The following ARFIP1 variants were observed in gnomAD, a reference collection of about 807,000 sequenced individuals.
ARFIP1 encodes arfaptin-1.
In ARFIP1, 24 loss-of-function variants were observed where a neutral mutation model predicts 42.5. That is an observed-to-expected ratio of 0.57 (90% CI 0.41 to 0.80). ARFIP1 has a LOEUF of 0.80. Ranked by LOEUF, ARFIP1 falls within the 30% of genes least tolerant of loss-of-function variation. The pLI is 0.00. For missense variants in ARFIP1, 354 were observed against 434.0 expected (o/e 0.82, Z 1.64); for synonymous variants, 141 against 153.7 (o/e 0.92, Z 0.61).
intron 1 of ARFIP1, among the ~76,000 whole-genome samples, chr4:152,814,367 T>G (rs1206493030): frequency 6.6e-6 from 1 of 152,148 alleles, no homozygotes; most frequent in African/African-American, 2.4e-5. Flanking sequence ...GTGCTGGGAT[T>G]ATAGATATGA....
At chr4:152,824,311 C>CAAA (rs111552594) in intron 1 of ARFIP1, among the ~76,000 whole-genome samples, 1 of 118,810 alleles carries the variant, frequency 8.4e-6, no homozygotes, top group Non-Finnish European at 1.8e-5. Context: ...AGACTCTTAT[C>CAAA]AAAAAAAAAA....
intron 1 of ARFIP1, among the ~76,000 whole-genome samples, chr4:152,816,164 T>A (rs888856471): frequency 1.6e-4 from 25 of 152,246 alleles, no homozygotes; most frequent in Non-Finnish European, 1.2e-4. Context: ...ATGATTATTG[T>A]TTAATTCCAA....
chr4:152,905,489 G>C (rs1478966750), intron 8 of ARFIP1, among the ~76,000 whole-genome samples: 1 of 117,326 alleles, frequency 8.5e-6, no homozygotes, highest in African/African-American at 3.2e-5. Context: ...TGAAATGTCT[G>C]TTCAAATTTT....
At position 152,888,047 on chromosome 4, in the gene ARFIP1, A is replaced by G. The variant is rs1268702690; in HGVS notation, c.792-86A>G. On this transcript the variant is annotated intron_variant, in intron 7 of 8. Coordinates refer to ENST00000353617, the MANE Select transcript of ARFIP1 (RefSeq NM_001025595.3). ...TTTATATATTTTATTGTATAGTATG[A>G]GACTGAATATTACGTATTTCCAACC... 8.9e-6 allele frequency: 9 copies of G among 1,011,182 alleles called. No individual in the cohort carries two copies. The Admixed American group carries it at 2.3e-4, about 26-fold the overall frequency. 62.6% of individuals were successfully genotyped at this position (1,011,182 alleles called of 1,614,324 possible). A position where few individuals can be genotyped will look rare whatever the true frequency, so the allele number is the denominator to read the frequency against.
intron 5 of ARFIP1, among the ~76,000 whole-genome samples, chr4:152,880,644 T>C (rs1023302014): frequency 1.3e-5 from 2 of 152,254 alleles, no homozygotes; most frequent in Non-Finnish European, 2.9e-5. Flanking sequence ...TAACAGTCTA[T>C]ATTAGTCTTA....
intron 5 of ARFIP1, among the ~76,000 whole-genome samples, chr4:152,879,244 TA>T (rs1268912891): frequency 6.6e-6 from 1 of 151,880 alleles, no homozygotes; most frequent in African/African-American, 2.4e-5. Flanking sequence ...TGTTGGGAAG[TA>T]GAAAAATATA....
chr4:152,904,054 GTTA>G (rs1443500641), intron 8 of ARFIP1, among the ~76,000 whole-genome samples: 1 of 151,022 alleles, frequency 6.6e-6, no homozygotes, highest in Non-Finnish European at 1.5e-5. Flanking sequence ...TTTTTTTTAA[GTTA>G]TTTTTATTTT....
At chr4:152,895,218 G>A (rs556678896) in intron 8 of ARFIP1, among the ~76,000 whole-genome samples, 1 of 152,220 alleles carries the variant, frequency 6.6e-6, no homozygotes, top group Non-Finnish European at 1.5e-5. Flanking sequence ...ATGGTAGGAA[G>A]TTGGATTACA....
Position 152,881,165 on chromosome 4 carries a change from T to G in ARFIP1, c.614T>G (p.Leu205Trp), listed in dbSNP as rs1257979500. 1.2e-6 allele frequency: 2 copies of G among 1,611,002 alleles called. No homozygotes were observed. Among genetic ancestry groups the G allele is most frequent in the Admixed American group, 1.7e-5 (1 of 59,852 alleles). ...QLGDAFADLS[L>W]KSLELHEEFG... ...GGAGATGCATTTGCTGACCTGAGTT[T>G]GAAGTCACTAGAACTTCATGTAAGA... The change falls in exon 6 of 9, where the codon TTG (leucine) becomes TGG (tryptophan). Residue 205 changes from leucine to tryptophan, a missense_variant. Leu to Trp is a moderately conservative substitution (Grantham distance 61, BLOSUM62 -2). Transcript: ENST00000353617.
intron 5 of ARFIP1, among the ~76,000 whole-genome samples, chr4:152,879,667 T>C (rs916239781): frequency 6.6e-6 from 1 of 151,992 alleles, no homozygotes; most frequent in Non-Finnish European, 1.5e-5. Context: ...CTGACCAACA[T>C]GGAGAAACCC....
At chr4:152,849,557 G>A (rs1231489566) in intron 2 of ARFIP1, among the ~76,000 whole-genome samples, 2 of 152,112 alleles carry the variant, frequency 1.3e-5, no homozygotes, top group African/African-American at 4.8e-5. Flanking sequence ...AAGTGGGTGA[G>A]GCCAAGAGGG....
rs71598214 is a variant in ARFIP1, at chr4:152,782,223, G to GGTGTGTGTGT, written c.-10+2024_-10+2033dup. Among the ~76,000 whole-genome samples, 299 of 148,662 alleles carry GGTGTGTGTGT rather than the reference G, an allele frequency of 2.0e-3. 2 individuals carry two copies. Among genetic ancestry groups the GGTGTGTGTGT allele is most frequent in the African/African-American group, 6.9e-3 (277 of 40,050 alleles). ...GTTGAAGTTAGTGAAAACAGGTAGG[G>GGTGTGTGTGT]GTGTGTGTGTGTGTGTGTGTGTGTG... On this transcript the variant is annotated intron_variant, in intron 1 of 8. Coordinates refer to ENST00000353617, the MANE Select transcript of ARFIP1 (RefSeq NM_001025595.3).
At chr4:152,860,208 T>C (rs1733776060) in intron 2 of ARFIP1, among the ~76,000 whole-genome samples, 3 of 152,164 alleles carry the variant, frequency 2.0e-5, no homozygotes, top group African/African-American at 7.2e-5. Flanking sequence ...CTTAACATTA[T>C]CATGTTACAG....
intron 1 of ARFIP1, among the ~76,000 whole-genome samples, chr4:152,825,804 A>G (rs904188225): frequency 2.0e-5 from 3 of 152,180 alleles, no homozygotes; most frequent in African/African-American, 7.2e-5. Flanking sequence ...GCCAATATCC[A>G]GAATCTTCAA....
intron 2 of ARFIP1, among the ~76,000 whole-genome samples, chr4:152,839,904 T>C (rs373179457): frequency 6.6e-6 from 1 of 152,342 alleles, no homozygotes; most frequent in African/African-American, 2.4e-5. Flanking sequence ...TGTTTCAGTT[T>C]TTTTGATGTA....
At chr4:152,869,496 T>C (rs1436990148) in intron 3 of ARFIP1, among the ~76,000 whole-genome samples, 1 of 151,688 alleles carries the variant, frequency 6.6e-6, no homozygotes, top group Non-Finnish European at 1.5e-5. Flanking sequence ...GTCACTCAGG[T>C]TGGAGTGCAG....
chr4:152,903,112 G>A (rs1438005285), intron 8 of ARFIP1, among the ~76,000 whole-genome samples: 1 of 152,038 alleles, frequency 6.6e-6, no homozygotes, highest in Non-Finnish European at 1.5e-5. Context: ...ATTCTCTGTA[G>A]CATATCAGGC....
chr4:152,903,073 A>G (rs1367609643), intron 8 of ARFIP1, among the ~76,000 whole-genome samples: 4 of 152,190 alleles, frequency 2.6e-5, no homozygotes, highest in Non-Finnish European at 5.9e-5. Context: ...AATTATTTCA[A>G]TGTATTTAAT....
At chr4:152,816,310 G>T (rs754082017) in intron 1 of ARFIP1, among the ~76,000 whole-genome samples, 1 of 152,166 alleles carries the variant, frequency 6.6e-6, no homozygotes, top group Admixed American at 6.5e-5. Flanking sequence ...AGTCACACAC[G>T]TTCTTGCCAC....
Sources: gnomAD v4.1 joint callset for allele counts (sites outside exome capture counted in the v4.1 genomes callset) on GRCh38, gnomAD v4.1.1 for gene constraint, MANE v1.5 for transcripts, NCBI Gene and HGNC (gene_info 2026-07-23, HGNC 2026-07-21) for gene names.